Variants in ZHX2 observed in about 807,000 individuals in gnomAD.
ZHX2 encodes zinc fingers and homeoboxes protein 2.
Under a neutral mutation model 21.9 loss-of-function variants are expected in ZHX2, and 6 were observed. The ratio of observed to expected loss-of-function variants is 0.27; its 90% CI spans 0.15 to 0.54. ZHX2 has a LOEUF of 0.54. ZHX2 is among the 20% of genes least tolerant of loss of function. The pLI is 0.95. For missense variants in ZHX2, 908 were observed against 1,090.7 expected, an observed-to-expected ratio of 0.83 and a Z score of 2.36; for synonymous variants, 434 against 437.1, an observed-to-expected ratio of 0.99 and a Z score of 0.09.
chr8:122,946,366 T>A (rs571363483), intron 2 of ZHX2, among the ~76,000 whole-genome samples: 1 of 152,162 alleles, frequency 6.6e-6, no homozygotes, highest in Non-Finnish European at 1.5e-5. Context: ...AGAACCCTAA[T>A]AGATTCTCAA....
intron 1 of ZHX2, among the ~76,000 whole-genome samples, chr8:122,857,754 T>C (rs1563756408): frequency 6.6e-6 from 1 of 152,234 alleles, no homozygotes. Context: ...CTTATGACTC[T>C]GGGCAACTTT....
At chr8:122,940,470 G>T (rs1812814005) in intron 2 of ZHX2, among the ~76,000 whole-genome samples, 1 of 152,118 alleles carries the variant, frequency 6.6e-6, no homozygotes, top group African/African-American at 2.4e-5. Context: ...CCTCTGGCAG[G>T]ACACCCAGCC....
At chr8:122,859,057 G>A (rs1373590193) in intron 1 of ZHX2, among the ~76,000 whole-genome samples, 3 of 152,310 alleles carry the variant, frequency 2.0e-5, no homozygotes, top group Admixed American at 2.0e-4. Flanking sequence ...GGCAGCTCTG[G>A]TTAGAGCCCT....
At position 122,850,259 on chromosome 8, in the gene ZHX2, C is replaced by T. The variant is rs569296791; in HGVS notation, c.-282-13218C>T. On this transcript the variant is annotated intron_variant, in intron 1 of 3. Transcript: ENST00000314393. ...TTCATGTTTTGATGGGTGTGAGTGA[C>T]GCTCCTGGATTTATATAGGACACAC... is the stretch of plus-strand genomic sequence containing the variant. 1.8e-4 allele frequency among the ~76,000 whole-genome samples: 27 copies of T among 152,096 alleles called. 1 individual carries two copies. Among genetic ancestry groups the T allele is most frequent in the Non-Finnish European group, 3.5e-4 (24 of 68,026 alleles).
At chr8:122,879,499 C>T (rs760786956) in intron 2 of ZHX2, among the ~76,000 whole-genome samples, 6 of 136,764 alleles carry the variant, frequency 4.4e-5, no homozygotes, top group Non-Finnish European at 9.1e-5. Flanking sequence ...GCCACTGCAC[C>T]GGGCTGGTTT....
chr8:122,926,035 C>A (rs982217171), intron 2 of ZHX2, among the ~76,000 whole-genome samples: 1 of 152,146 alleles, frequency 6.6e-6, no homozygotes, highest in African/African-American at 2.4e-5. Context: ...ATGGGAATAA[C>A]CTCTCCTATT....
chr8:122,902,371 C>A (rs949990389), intron 2 of ZHX2, among the ~76,000 whole-genome samples: 2 of 152,204 alleles, frequency 1.3e-5, no homozygotes, highest in African/African-American at 4.8e-5. Flanking sequence ...GGGTTCAAAT[C>A]CTGGGTTCAA....
At chr8:122,924,989 C>T (rs1360157029) in intron 2 of ZHX2, among the ~76,000 whole-genome samples, 1 of 152,164 alleles carries the variant, frequency 6.6e-6, no homozygotes, top group Non-Finnish European at 1.5e-5. Flanking sequence ...AAGAAAAATA[C>T]AGGAGCGACT....
intron 2 of ZHX2, among the ~76,000 whole-genome samples, chr8:122,883,210 G>A (rs142697707): frequency 5.9e-5 from 9 of 152,212 alleles, no homozygotes; most frequent in South Asian, 4.1e-4. Context: ...ACCAAGCCTG[G>A]TTCCACCTTA....
chr8:122,874,916 C>G (rs1325427792), intron 2 of ZHX2, among the ~76,000 whole-genome samples: 2 of 151,440 alleles, frequency 1.3e-5, no homozygotes, highest in African/African-American at 4.9e-5. Flanking sequence ...GGGTTTATGT[C>G]CCAGCTCTAT....
At chr8:122,931,601 T>G (rs1820994880) in intron 2 of ZHX2, among the ~76,000 whole-genome samples, 2 of 152,124 alleles carry the variant, frequency 1.3e-5, no homozygotes, top group Admixed American at 6.5e-5. Flanking sequence ...GCCGAGGATG[T>G]AAGTCACATA....
At chr8:122,939,822 C>T (rs1039547331) in intron 2 of ZHX2, among the ~76,000 whole-genome samples, 8 of 152,192 alleles carry the variant, frequency 5.3e-5, no homozygotes, top group African/African-American at 9.7e-5. Flanking sequence ...GCACCTGATA[C>T]AGTGCCTGGC....
At chr8:122,785,941 A>G (rs987911055) in intron 1 of ZHX2, among the ~76,000 whole-genome samples, 5 of 152,220 alleles carry the variant, frequency 3.3e-5, no homozygotes, top group Non-Finnish European at 7.3e-5. Context: ...CTGACAGCAG[A>G]GTACCTTGTG....
intron 1 of ZHX2, among the ~76,000 whole-genome samples, chr8:122,821,568 A>T (rs1563742080): frequency 6.6e-6 from 1 of 151,822 alleles, no homozygotes; most frequent in Non-Finnish European, 1.5e-5. Flanking sequence ...TGCCTTTGTT[A>T]TCTTTTGGAC....
At chr8:122,803,375 C>T (rs771794925) in intron 1 of ZHX2, among the ~76,000 whole-genome samples, 8 of 152,196 alleles carry the variant, frequency 5.3e-5, no homozygotes, top group African/African-American at 9.7e-5. Flanking sequence ...CTTGCCTCTT[C>T]GGTATCAGGT....
chr8:122,826,365 T>C (rs570835180), intron 1 of ZHX2, among the ~76,000 whole-genome samples: 32 of 152,306 alleles, frequency 2.1e-4, no homozygotes, highest in African/African-American at 6.5e-4. Flanking sequence ...CAGGAGACAC[T>C]GTACCAGGCG....
At chr8:122,784,339 T>G (rs1203127189) in intron 1 of ZHX2, among the ~76,000 whole-genome samples, 1 of 152,254 alleles carries the variant, frequency 6.6e-6, no homozygotes, top group East Asian at 1.9e-4. Context: ...TCCTGTGAGC[T>G]AAGTACTACT....
chr8:122,933,611 T>G (rs1812598938), intron 2 of ZHX2, among the ~76,000 whole-genome samples: 2 of 151,836 alleles, frequency 1.3e-5, no homozygotes, highest in African/African-American at 4.8e-5. Flanking sequence ...ACAGAAAAAA[T>G]AAGAAAGCCG....
chr8:122,842,476 C>T (rs971210239), intron 1 of ZHX2, among the ~76,000 whole-genome samples: 11 of 152,152 alleles, frequency 7.2e-5, no homozygotes, highest in African/African-American at 2.4e-4. Context: ...GAGGCCTAGG[C>T]GGGCAGATCA....
Sources: gnomAD v4.1 joint callset for allele counts (sites outside exome capture counted in the v4.1 genomes callset) on GRCh38, gnomAD v4.1.1 for gene constraint, MANE v1.5 for transcripts, NCBI Gene and HGNC (gene_info 2026-07-23, HGNC 2026-07-21) for gene names.